The following GALM variants were observed in gnomAD, a reference collection of about 807,000 sequenced individuals.
The protein encoded by GALM is galactose mutarotase.
A neutral mutation model predicts 37.4 loss-of-function variants in GALM; 43 were observed. The ratio of observed to expected loss-of-function variants is 1.15; its 90% CI spans 0.90 to 1.48. The LOEUF is 1.48. GALM is among the 40% of genes most tolerant of loss of function. The pLI, the probability that GALM is intolerant of heterozygous loss-of-function variation, is 0.00. For missense variants in GALM, 456 were observed against 419.1 expected (o/e 1.09, Z -0.77); for synonymous variants, 199 against 170.6 (o/e 1.17, Z -1.30).
chr2:38,681,381 A>T lies in GALM; in HGVS notation c.447A>T (p.Thr149=). 6.2e-7 allele frequency: 1 copy of T among 1,613,936 alleles called. No individual in the cohort carries two copies. The highest frequency in any genetic ancestry group is 8.5e-7 in the Non-Finnish European group (1 of 1,179,790). The change falls in exon 3 of 7, where the codon ACA becomes ACT. Residue 149 remains threonine (T), a synonymous_variant. Coordinates refer to ENST00000272252, the MANE Select transcript of GALM (RefSeq NM_138801.3). ...GYPGELKVWV[T]YTLDGGELIV... Reference sequence around the variant, plus strand: ...CCGGAGAGTTAAAAGTCTGGGTGACATACACCCTGGATGGCGGAGAGCTCA... The same window carrying T: ...CCGGAGAGTTAAAAGTCTGGGTGACTTACACCCTGGATGGCGGAGAGCTCA...
intron 4 of GALM, among the ~76,000 whole-genome samples, chr2:38,716,404 G>C (rs1486172571): frequency 1.3e-5 from 2 of 152,218 alleles, no homozygotes; most frequent in Non-Finnish European, 2.9e-5. Context: ...TTATGTGACT[G>C]TGAGATTCCA....
intron 3 of GALM, among the ~76,000 whole-genome samples, chr2:38,683,510 G>A (rs979057894): frequency 6.6e-6 from 1 of 151,632 alleles, no homozygotes; most frequent in African/African-American, 2.4e-5. Flanking sequence ...GACTACTTCT[G>A]AGCGTCATGT....
chr2:38,694,792 C>G (rs7583259), intron 4 of GALM, among the ~76,000 whole-genome samples: 77,829 of 150,906 alleles, frequency 0.52, 20,521 homozygotes, highest in East Asian at 0.68. Flanking sequence ...AGCTACTCGG[C>G]AGGCTGAGGC....
chr2:38,721,193 T>A (rs1016830026), intron 4 of GALM, among the ~76,000 whole-genome samples: 7 of 152,236 alleles, frequency 4.6e-5, no homozygotes, highest in African/African-American at 1.7e-4. Flanking sequence ...ATGGATTTTG[T>A]GAAGGCAGTG....
rs1558583767 is a variant in GALM, at chr2:38,689,912, T to G, written c.634+18T>G. 1.3e-6 allele frequency: 2 copies of G among 1,484,288 alleles called. No homozygotes were observed. The highest frequency in any genetic ancestry group is 1.9e-6 in the Non-Finnish European group (2 of 1,069,098). 91.9% of individuals were successfully genotyped at this position (1,484,288 alleles called of 1,614,324 possible). On this transcript the variant is annotated intron_variant, in intron 4 of 6. Transcript: ENST00000272252. ...TCCTACAGGTTGGTGAATTTAACCT[T>G]TTTGTGTTATGTGGGATCATGGATT... is the stretch of plus-strand genomic sequence containing the variant.
intron 4 of GALM, among the ~76,000 whole-genome samples, chr2:38,697,933 C>G (rs1365676236): frequency 6.6e-6 from 1 of 151,760 alleles, no homozygotes; most frequent in South Asian, 2.1e-4. Context: ...TTCCTGTTGG[C>G]AATTTTGGGT....
At chr2:38,716,886 C>A (rs143417586) in intron 4 of GALM, among the ~76,000 whole-genome samples, 1 of 152,190 alleles carries the variant, frequency 6.6e-6, no homozygotes, top group Admixed American at 6.5e-5. Flanking sequence ...AAAACAGAAA[C>A]CTTAAGTACT....
At chr2:38,693,854 G>C (rs1442961206) in intron 4 of GALM, among the ~76,000 whole-genome samples, 1 of 152,168 alleles carries the variant, frequency 6.6e-6, no homozygotes, top group Non-Finnish European at 1.5e-5. Context: ...CTCTTAAGTA[G>C]ACCTGCACTC....
chr2:38,680,547 T>A (rs1188675517), intron 2 of GALM, among the ~76,000 whole-genome samples: 1 of 152,014 alleles, frequency 6.6e-6, no homozygotes, highest in Non-Finnish European at 1.5e-5. Context: ...CACAAATGCC[T>A]TATTTGTTTT....
At chr2:38,707,149 A>C (rs1164994696) in intron 4 of GALM, among the ~76,000 whole-genome samples, 1 of 151,874 alleles carries the variant, frequency 6.6e-6, no homozygotes, top group African/African-American at 2.4e-5. Flanking sequence ...TTTGATCTTG[A>C]AATATTTGAG....
intron 4 of GALM, among the ~76,000 whole-genome samples, chr2:38,723,950 C>CCTCCTGTCTCAGCTTCCTG (rs1666432455): frequency 6.6e-6 from 1 of 152,122 alleles, no homozygotes. Flanking sequence ...GACTCAGTCT[C>CCTCCTGTCTCAGCTTCCTG]ACTATGTTGC....
At chr2:38,718,713 G>GGGC (rs1157446661) in intron 4 of GALM, among the ~76,000 whole-genome samples, 6 of 151,790 alleles carry the variant, frequency 4.0e-5, no homozygotes, top group Non-Finnish European at 7.4e-5. Flanking sequence ...TGGGTTGTGT[G>GGGC]AAGATGGGCT....
intron 2 of GALM, among the ~76,000 whole-genome samples, chr2:38,677,146 G>T (rs1665278786): frequency 6.6e-6 from 1 of 152,188 alleles, no homozygotes; most frequent in African/African-American, 2.4e-5. Flanking sequence ...TAGCCCCATG[G>T]GAGTCTATGG....
Position 38,681,367 on chromosome 2 carries a change from A to G in GALM, c.433A>G (p.Lys145Glu), listed in dbSNP as rs1558580039. The change falls in exon 3 of 7, where the codon AAA becomes GAA. Residue 145 changes from lysine to glutamate, a missense_variant. Coordinates refer to ENST00000272252, the MANE Select transcript of GALM (RefSeq NM_138801.3). Reference sequence around the variant, plus strand: ...TGAAGAAGGCTACCCCGGAGAGTTAAAAGTCTGGGTGACATACACCCTGGA... The same window carrying G: ...TGAAGAAGGCTACCCCGGAGAGTTAGAAGTCTGGGTGACATACACCCTGGA... ...DGEEGYPGEL[K>E]VWVTYTLDGG... 6.2e-7 allele frequency: 1 copy of G among 1,614,194 alleles called. No homozygotes were observed. Among genetic ancestry groups the G allele is most frequent in the Non-Finnish European group, 8.5e-7 (1 of 1,180,016 alleles).
At chr2:38,700,496 T>C (rs1260163494) in intron 4 of GALM, among the ~76,000 whole-genome samples, 4 of 126,972 alleles carry the variant, frequency 3.2e-5, no homozygotes, top group African/African-American at 9.9e-5. Flanking sequence ...CCTTTTTCTT[T>C]TTTTTAATCG....
At chr2:38,710,636 C>A (rs886429972) in intron 4 of GALM, among the ~76,000 whole-genome samples, 3 of 151,980 alleles carry the variant, frequency 2.0e-5, no homozygotes, top group African/African-American at 7.2e-5. Context: ...AACTCCTGGG[C>A]TTAAGTGATC....
chr2:38,733,655 A>G lies in GALM; in HGVS notation c.*90A>G. 1 of 934,604 alleles carries G rather than the reference A, an allele frequency of 1.1e-6. No individual in the cohort carries two copies. Among genetic ancestry groups the G allele is most frequent in the Non-Finnish European group, 1.8e-6 (1 of 565,192 alleles). 57.9% of individuals were successfully genotyped at this position (934,604 alleles called of 1,614,324 possible). ...AGGTGAAGATTAAGAAGCTTTCAGA[A>G]TGATTCTATGGATTAAAATCATACA... On this transcript the variant is annotated 3_prime_UTR_variant, in exon 7 of 7. Transcript: ENST00000272252.
intron 1 of GALM, among the ~76,000 whole-genome samples, chr2:38,675,518 GTTTTTTTGTTTTTT>G (rs1191709581): frequency 5.1e-4 from 54 of 104,950 alleles, no homozygotes; most frequent in African/African-American, 2.3e-3. Context: ...TGGATTGAGG[GTTTTTTTGTTTTTT>G]TTTTTTTTTT....
intron 4 of GALM, among the ~76,000 whole-genome samples, chr2:38,712,376 A>G (rs2148449716): frequency 6.6e-6 from 1 of 152,276 alleles, no homozygotes; most frequent in Non-Finnish European, 1.5e-5. Context: ...AAGCCTAGAG[A>G]GTGGTCAGGC....
Sources: allele counts gnomAD v4.1 joint callset (sites outside exome capture counted in the v4.1 genomes callset), GRCh38; gene constraint gnomAD v4.1.1; transcripts MANE v1.5; gene names NCBI Gene and HGNC (gene_info 2026-07-23, HGNC 2026-07-21).